Variants in ABTB3 observed in about 807,000 individuals in gnomAD.
The protein encoded by ABTB3 is ankyrin repeat and BTB domain containing 3, also known as ankyrin repeat- and BTB/POZ domain-containing protein 3.
chr12:107,445,627 T>C, the ABTB3 span, among the ~76,000 whole-genome samples: 1 of 152,096 alleles, frequency 6.6e-6, no homozygotes, highest in African/African-American at 2.4e-5. Context: ...GAGAGATGGA[T>C]GGTTTATAGG....
the ABTB3 span, among the ~76,000 whole-genome samples, chr12:107,574,884 T>G: frequency 1.3e-5 from 2 of 152,318 alleles, no homozygotes; most frequent in Admixed American, 1.3e-4. Context: ...CCAGGCCATC[T>G]GCAGAAACCA....
At chr12:107,449,709 G>A in the ABTB3 span, among the ~76,000 whole-genome samples, 1 of 152,034 alleles carries the variant, frequency 6.6e-6, no homozygotes, top group Non-Finnish European at 1.5e-5. Flanking sequence ...GAAGTGCAGT[G>A]GTGTGGTCAT....
At chr12:107,424,189 G>A in the ABTB3 span, among the ~76,000 whole-genome samples, 4 of 152,252 alleles carry the variant, frequency 2.6e-5, no homozygotes, top group East Asian at 1.9e-4. Context: ...CCCTGGGGTC[G>A]TCTCCCTGGT....
the ABTB3 span, among the ~76,000 whole-genome samples, chr12:107,538,257 C>A: frequency 2.0e-5 from 3 of 152,218 alleles, no homozygotes; most frequent in Non-Finnish European, 4.4e-5. Flanking sequence ...GCTTCCAGGC[C>A]AGTTATTGGA....
the ABTB3 span, among the ~76,000 whole-genome samples, chr12:107,596,993 C>T: frequency 1.3e-5 from 2 of 152,264 alleles, no homozygotes; most frequent in African/African-American, 2.4e-5. Context: ...CAGACACCTG[C>T]AACCCTGGTG....
At chr12:107,619,410 G>A in the ABTB3 span, among the ~76,000 whole-genome samples, 3,498 of 152,252 alleles carry the variant, frequency 0.023, 87 homozygotes, top group Non-Finnish European at 0.029. Flanking sequence ...GGAGCAGCAG[G>A]AATATCCTCC....
the ABTB3 span, among the ~76,000 whole-genome samples, chr12:107,433,192 A>G: frequency 6.8e-6 from 1 of 146,590 alleles, no homozygotes; most frequent in Non-Finnish European, 1.5e-5. Context: ...CGGGAGGCTG[A>G]GGCAGGAGAA....
At chr12:107,476,249 G>T in the ABTB3 span, among the ~76,000 whole-genome samples, 9 of 152,154 alleles carry the variant, frequency 5.9e-5, no homozygotes, top group Non-Finnish European at 4.4e-5. Flanking sequence ...TGAGCTGGGA[G>T]CTACCAAGCT....
chr12:107,609,809 C>T, the ABTB3 span, among the ~76,000 whole-genome samples: 1 of 152,284 alleles, frequency 6.6e-6, no homozygotes, highest in South Asian at 2.1e-4. Flanking sequence ...TGGGCAGGGC[C>T]CTTATCTGTG....
chr12:107,332,508 T>A, the ABTB3 span, among the ~76,000 whole-genome samples: 1 of 152,230 alleles, frequency 6.6e-6, no homozygotes, highest in African/African-American at 2.4e-5. Flanking sequence ...TCGGTGCCTG[T>A]TCCTAACCAC....
chr12:107,347,338 C>A, the ABTB3 span, among the ~76,000 whole-genome samples: 4 of 152,022 alleles, frequency 2.6e-5, no homozygotes, highest in Admixed American at 2.6e-4. Flanking sequence ...AGGGTGAATT[C>A]CTACCTTTGA....
the ABTB3 span, chr12:107,649,426 A>C: frequency 2.8e-6 from 2 of 713,176 alleles, no homozygotes; most frequent in Non-Finnish European, 5.0e-6. Flanking sequence ...TTCCTTCCTG[A>C]CTCCTCAGTC....
At chr12:107,643,309 C>A in the ABTB3 span, among the ~76,000 whole-genome samples, 1 of 146,584 alleles carries the variant, frequency 6.8e-6, no homozygotes, top group Non-Finnish European at 1.5e-5. Flanking sequence ...GAGGCTGAGG[C>A]TGGAGGATCA....
At chr12:107,564,064 G>GTC in the ABTB3 span, among the ~76,000 whole-genome samples, 40 of 149,640 alleles carry the variant, frequency 2.7e-4, no homozygotes, top group East Asian at 1.7e-3. Context: ...CTTAAAATGA[G>GTC]TCTCTCTCTC....
the ABTB3 span, among the ~76,000 whole-genome samples, chr12:107,632,876 T>C: frequency 1.3e-5 from 2 of 152,204 alleles, no homozygotes; most frequent in African/African-American, 4.8e-5. Flanking sequence ...CCTAGTGTGG[T>C]TACCTGAGTC....
chr12:107,438,582 G>C, the ABTB3 span, among the ~76,000 whole-genome samples: 16 of 152,150 alleles, frequency 1.1e-4, no homozygotes, highest in Admixed American at 3.9e-4. Context: ...GGAAATGCAA[G>C]TATCTGTGCT....
chr12:107,469,064 TG>T, the ABTB3 span, among the ~76,000 whole-genome samples: 1 of 152,184 alleles, frequency 6.6e-6, no homozygotes, highest in Non-Finnish European at 1.5e-5. Flanking sequence ...GGGTGAGGGC[TG>T]GGTTAAGGGA....
chr12:107,536,718 G>A, the ABTB3 span, among the ~76,000 whole-genome samples: 2 of 152,012 alleles, frequency 1.3e-5, no homozygotes, highest in African/African-American at 4.8e-5. Flanking sequence ...TTATCAAAAA[G>A]AAAAAATAAC....
chr12:107,372,978 G>C, the ABTB3 span, among the ~76,000 whole-genome samples: 1 of 152,104 alleles, frequency 6.6e-6, no homozygotes, highest in East Asian at 1.9e-4. Context: ...TTTCTTGTGA[G>C]GGGCTGTCCT....
Sources: allele counts gnomAD v4.1 joint callset (sites outside exome capture counted in the v4.1 genomes callset), GRCh38; gene constraint gnomAD v4.1.1; transcripts MANE v1.5; gene names NCBI Gene and HGNC (gene_info 2026-07-23, HGNC 2026-07-21).